The following KCNIP4 variants were observed in gnomAD, a reference collection of about 807,000 sequenced individuals.
The protein encoded by KCNIP4 is Kv channel-interacting protein 4.
Under a neutral mutation model 34.0 loss-of-function variants are expected in KCNIP4, and 12 were observed. That is an observed-to-expected ratio of 0.35 (90% CI 0.23 to 0.57). The LOEUF (loss-of-function observed/expected upper bound fraction) is 0.57, where lower values mean the gene tolerates loss of function less well. Among genes scored for constraint, KCNIP4 ranks in the 20% least tolerant of loss-of-function variants. The pLI is 0.83. For missense variants in KCNIP4, 238 were observed against 311.7 expected (o/e 0.76, Z 1.78); for synonymous variants, 124 against 102.2 (o/e 1.21, Z -1.29).
intron 1 of KCNIP4, among the ~76,000 whole-genome samples, chr4:21,249,759 A>C (rs1394134280): frequency 6.6e-6 from 1 of 152,166 alleles, no homozygotes; most frequent in Non-Finnish European, 1.5e-5. Flanking sequence ...TTCACTCTTC[A>C]AATCAGCATG....
chr4:21,455,808 C>CTTTTATAT (rs1491104155), intron 1 of KCNIP4, among the ~76,000 whole-genome samples: 1 of 71,928 alleles, frequency 1.4e-5, no homozygotes, highest in Admixed American at 1.7e-4. Flanking sequence ...TACAGATATT[C>CTTTTATAT]ATATATATAT....
chr4:21,466,821 C>T (rs1729985229), intron 1 of KCNIP4, among the ~76,000 whole-genome samples: 2 of 152,028 alleles, frequency 1.3e-5, no homozygotes, highest in African/African-American at 2.4e-5. Flanking sequence ...CCCCACCCTA[C>T]AATCGCAGTA....
Position 21,111,303 on chromosome 4 carries a change from T to A in KCNIP4, c.62-228594A>T, listed in dbSNP as rs575482579. ...CACAGGCTCTGACGCGACAAAAGAT[T>A]AAGCAGAAAATATTATCAGGGAAAT... On this transcript the variant is annotated intron_variant, in intron 1 of 8. Coordinates refer to ENST00000382152, the MANE Select transcript of KCNIP4 (RefSeq NM_025221.6). Among the ~76,000 whole-genome samples, 29 of 152,304 alleles carry A rather than the reference T, an allele frequency of 1.9e-4. 1 individual carries two copies. In the South Asian group the frequency reaches 6.0e-3, roughly 32 times the overall value.
At chr4:21,666,183 CT>C (rs1407977289) in intron 1 of KCNIP4, among the ~76,000 whole-genome samples, 4 of 152,098 alleles carry the variant, frequency 2.6e-5, no homozygotes, top group African/African-American at 9.7e-5. Context: ...AGCTTTGTTC[CT>C]TTTTAAAAGA....
intron 1 of KCNIP4, among the ~76,000 whole-genome samples, chr4:21,345,491 A>G (rs1244609894): frequency 1.3e-5 from 2 of 152,144 alleles, no homozygotes; most frequent in Non-Finnish European, 2.9e-5. Context: ...GAATCAAATG[A>G]TTTTCACATC....
chr4:21,918,299 G>GA (rs567386627), intron 1 of KCNIP4, among the ~76,000 whole-genome samples: 151 of 152,266 alleles, frequency 9.9e-4, no homozygotes, highest in African/African-American at 3.6e-3. Flanking sequence ...CTTGCTGGAT[G>GA]AAAAAAGTAT....
intron 1 of KCNIP4, among the ~76,000 whole-genome samples, chr4:21,074,867 C>A (rs1024296157): frequency 2.0e-5 from 3 of 152,126 alleles, no homozygotes; most frequent in African/African-American, 7.2e-5. Context: ...CAAAGAACAT[C>A]TTTATTTCTG....
chr4:21,945,005 A>G (rs988067473), intron 1 of KCNIP4, among the ~76,000 whole-genome samples: 1 of 152,196 alleles, frequency 6.6e-6, no homozygotes, highest in African/African-American at 2.4e-5. Flanking sequence ...TCACACGTTA[A>G]TCTACTTGAA....
intron 1 of KCNIP4, among the ~76,000 whole-genome samples, chr4:21,098,297 T>C (rs995280343): frequency 1.1e-4 from 17 of 152,172 alleles, no homozygotes; most frequent in African/African-American, 3.9e-4. Context: ...GGGGGCTGCA[T>C]TAAATAATAG....
At chr4:20,848,743 T>C (rs1193496373) in intron 3 of KCNIP4, among the ~76,000 whole-genome samples, 1 of 152,086 alleles carries the variant, frequency 6.6e-6, no homozygotes, top group African/African-American at 2.4e-5. Context: ...TGCTGAGAGA[T>C]TGGATTCAGT....
chr4:21,368,302 A>T (rs1388436794), intron 1 of KCNIP4, among the ~76,000 whole-genome samples: 1 of 147,292 alleles, frequency 6.8e-6, no homozygotes, highest in African/African-American at 2.7e-5. Context: ...CACTACACAT[A>T]AAAATAAAGT....
chr4:21,932,150 T>C (rs1382705460), intron 1 of KCNIP4, among the ~76,000 whole-genome samples: 1 of 152,142 alleles, frequency 6.6e-6, no homozygotes, highest in African/African-American at 2.4e-5. Flanking sequence ...ATATGCCTTT[T>C]TTAAATAGGC....
chr4:21,021,275 G>A (rs747136381), intron 1 of KCNIP4, among the ~76,000 whole-genome samples: 8 of 152,178 alleles, frequency 5.3e-5, no homozygotes, highest in Non-Finnish European at 1.2e-4. Context: ...GGAGCTTGTA[G>A]GACTGGAAGT....
rs1485752007 is a variant in KCNIP4, at chr4:21,177,893, A to T, written c.62-295184T>A. On this transcript the variant is annotated intron_variant, in intron 1 of 8. Coordinates refer to ENST00000382152, the MANE Select transcript of KCNIP4 (RefSeq NM_025221.6). ...ATATATATATAAAATATAACATTTA[A>T]AAAGAAAAATTTAAACAAAGTTTGC... is the stretch of plus-strand genomic sequence containing the variant. 1.4e-3 allele frequency among the ~76,000 whole-genome samples: 202 copies of T among 148,058 alleles called. 3 individuals are homozygous for T. Among genetic ancestry groups the T allele is most frequent in the African/African-American group, 4.9e-3 (193 of 39,342 alleles).
At chr4:20,952,864 G>T (rs182383312) in intron 1 of KCNIP4, among the ~76,000 whole-genome samples, 1 of 152,222 alleles carries the variant, frequency 6.6e-6, no homozygotes, top group South Asian at 2.1e-4. Context: ...CTAAGATCAA[G>T]TGCTGGGAGA....
intron 1 of KCNIP4, among the ~76,000 whole-genome samples, chr4:20,965,964 T>C (rs1398186515): frequency 6.6e-6 from 1 of 152,222 alleles, no homozygotes; most frequent in Non-Finnish European, 1.5e-5. Flanking sequence ...TAACCTCTGT[T>C]GTCATGAAGA....
At chr4:21,658,935 G>T (rs1175943196) in intron 1 of KCNIP4, among the ~76,000 whole-genome samples, 1 of 152,144 alleles carries the variant, frequency 6.6e-6, no homozygotes, top group Non-Finnish European at 1.5e-5. Flanking sequence ...TTTTGCAATA[G>T]AATTTTAAAG....
At chr4:20,770,670 G>A (rs977495220) in intron 3 of KCNIP4, among the ~76,000 whole-genome samples, 3 of 151,538 alleles carry the variant, frequency 2.0e-5, no homozygotes, top group African/African-American at 7.3e-5. Context: ...GCAGTGGCTC[G>A]CGCCTGTAAT....
At chr4:20,832,479 T>G (rs1303746322) in intron 3 of KCNIP4, among the ~76,000 whole-genome samples, 3 of 152,202 alleles carry the variant, frequency 2.0e-5, no homozygotes, top group Admixed American at 6.5e-5. Flanking sequence ...CTTGGCCTAA[T>G]TTTTGGTAAA....
Sources: allele counts gnomAD v4.1 joint callset (sites outside exome capture counted in the v4.1 genomes callset), GRCh38; gene constraint gnomAD v4.1.1; transcripts MANE v1.5; gene names NCBI Gene and HGNC (gene_info 2026-07-23, HGNC 2026-07-21).